OPCML: variants seen among roughly 807,000 people sequenced by gnomAD.
The protein encoded by OPCML is opioid-binding protein/cell adhesion molecule.
In OPCML, 13 loss-of-function variants were observed where a neutral mutation model predicts 37.8. That is an observed-to-expected ratio of 0.34 (90% CI 0.22 to 0.55). The LOEUF is 0.55. Among genes scored for constraint, OPCML ranks in the 20% least tolerant of loss-of-function variants. OPCML has a pLI of 0.91. For synonymous variants in OPCML, 176 were observed against 168.8 expected (o/e 1.04, Z -0.33); for missense variants, 341 against 435.6 (o/e 0.78, Z 1.93).
chr11:132,550,825 T>C (rs1323104949), intron 3 of OPCML, among the ~76,000 whole-genome samples: 1 of 152,236 alleles, frequency 6.6e-6, no homozygotes, highest in African/African-American at 2.4e-5. Context: ...GGGTGGATTA[T>C]GCCATAATAT....
intron 1 of OPCML, among the ~76,000 whole-genome samples, chr11:133,453,998 G>T (rs887873034): frequency 3.9e-5 from 6 of 152,142 alleles, no homozygotes; most frequent in African/African-American, 1.4e-4. Context: ...TTTCACACAA[G>T]AACCTAATCT....
intron 1 of OPCML, among the ~76,000 whole-genome samples, chr11:133,058,613 C>T (rs1350302918): frequency 1.3e-5 from 2 of 152,168 alleles, no homozygotes; most frequent in African/African-American, 2.4e-5. Flanking sequence ...ATCAGGGCAG[C>T]TCTGGAGGGA....
chr11:132,453,980 A>C (rs1383578276), intron 4 of OPCML, among the ~76,000 whole-genome samples: 2 of 152,200 alleles, frequency 1.3e-5, no homozygotes, highest in Admixed American at 1.3e-4. Context: ...AGGAAATTGC[A>C]GTCATGTGGC....
intron 1 of OPCML, among the ~76,000 whole-genome samples, chr11:133,351,400 G>A (rs1278254120): frequency 6.6e-6 from 1 of 152,084 alleles, no homozygotes; most frequent in African/African-American, 2.4e-5. Context: ...TCTTCCCACT[G>A]TATTTCTCTC....
intron 1 of OPCML, among the ~76,000 whole-genome samples, chr11:133,139,576 G>T (rs1228416233): frequency 6.6e-6 from 1 of 152,172 alleles, no homozygotes; most frequent in East Asian, 1.9e-4. Context: ...TTTTTATTGG[G>T]GTTCTGACAC....
At chr11:132,614,178 T>A (rs1938842179) in intron 3 of OPCML, among the ~76,000 whole-genome samples, 1 of 152,140 alleles carries the variant, frequency 6.6e-6, no homozygotes, top group Admixed American at 6.5e-5. Flanking sequence ...AATCCGCTGC[T>A]TGTGCTGCCC....
At chr11:132,944,230 G>A (rs1945689806) in intron 1 of OPCML, among the ~76,000 whole-genome samples, 1 of 152,122 alleles carries the variant, frequency 6.6e-6, no homozygotes, top group African/African-American at 2.4e-5. Flanking sequence ...GGCGGGAGAG[G>A]GAGTTCTGGG....
chr11:132,905,349 A>G (rs938665767), intron 2 of OPCML, among the ~76,000 whole-genome samples: 2 of 148,022 alleles, frequency 1.4e-5, no homozygotes, highest in Non-Finnish European at 3.0e-5. Flanking sequence ...CTCATGCCTC[A>G]GCCTCCAGAG....
At chr11:132,926,883 A>T (rs1314416627) in intron 2 of OPCML, among the ~76,000 whole-genome samples, 1 of 152,132 alleles carries the variant, frequency 6.6e-6, no homozygotes, top group Non-Finnish European at 1.5e-5. Context: ...AAGGGATGAA[A>T]TAATAGAAAA....
intron 2 of OPCML, among the ~76,000 whole-genome samples, chr11:132,852,908 A>G (rs1267033868): frequency 1.3e-5 from 2 of 152,072 alleles, no homozygotes; most frequent in African/African-American, 4.8e-5. Flanking sequence ...GGTTGTTAAA[A>G]AAAAAAAAAA....
At position 133,126,126 on chromosome 11, in the gene OPCML, G is replaced by A. The variant is rs556260060; in HGVS notation, c.62-183116C>T. Among the ~76,000 whole-genome samples the A allele has an allele frequency of 1.3e-4, 20 of 150,768 alleles. 1 individual carries two copies. Among genetic ancestry groups the A allele is most frequent in the South Asian group, 4.2e-4 (2 of 4,746 alleles). On this transcript the variant is annotated intron_variant, in intron 1 of 7. Transcript: ENST00000524381. ...GAGAGAGAGAGAGATTATAGAAATC[G>A]GCTCACATAGAGGTTGAAAAGTGCC...
At chr11:133,516,914 T>A (rs1948290547) in intron 1 of OPCML, among the ~76,000 whole-genome samples, 1 of 152,250 alleles carries the variant, frequency 6.6e-6, no homozygotes, top group Non-Finnish European at 1.5e-5. Flanking sequence ...AAAGGTAGCA[T>A]TGTTGAAGAA....
At chr11:132,502,211 G>C (rs2096247084) in intron 4 of OPCML, among the ~76,000 whole-genome samples, 2 of 152,186 alleles carry the variant, frequency 1.3e-5, no homozygotes, top group African/African-American at 4.8e-5. Context: ...GCTTCTTAAA[G>C]ACACAGCATC....
intron 4 of OPCML, among the ~76,000 whole-genome samples, chr11:132,464,643 G>A (rs148848559): frequency 1.1e-4 from 16 of 151,900 alleles, no homozygotes; most frequent in Non-Finnish European, 2.2e-4. Flanking sequence ...TTTTATCTGG[G>A]AAAATGGGCA....
chr11:133,032,980 T>G lies in OPCML; in HGVS notation c.62-89970A>C, dbSNP rs1947702000. On this transcript the variant is annotated intron_variant, in intron 1 of 7. Coordinates refer to ENST00000524381, the MANE Select transcript of OPCML (RefSeq NM_001012393.5). Reference sequence around the variant, plus strand: ...ATAAATATATATAATTACTCTACATTAATATAATTAGTCTGTCTTTCTCCC... The same window carrying G: ...ATAAATATATATAATTACTCTACATGAATATAATTAGTCTGTCTTTCTCCC... Among the ~76,000 whole-genome samples, 4 of 152,142 alleles carry G rather than the reference T, an allele frequency of 2.6e-5. No individual in the cohort carries two copies. The South Asian group carries it at 8.3e-4, about 32-fold the overall frequency.
intron 1 of OPCML, among the ~76,000 whole-genome samples, chr11:133,042,065 T>G (rs1270272868): frequency 6.6e-6 from 1 of 152,098 alleles, no homozygotes; most frequent in Non-Finnish European, 1.5e-5. Flanking sequence ...GCCTGCTTAT[T>G]CCCTCTCTGG....
intron 2 of OPCML, among the ~76,000 whole-genome samples, chr11:132,665,175 C>T (rs1251897291): frequency 6.6e-6 from 1 of 152,150 alleles, no homozygotes; most frequent in African/African-American, 2.4e-5. Context: ...GGGCCTGCAA[C>T]ATGAGGACAT....
At chr11:133,071,347 G>T (rs1591973722) in intron 1 of OPCML, among the ~76,000 whole-genome samples, 1 of 152,168 alleles carries the variant, frequency 6.6e-6, no homozygotes, top group Admixed American at 6.5e-5. Context: ...TGTGGTGGGG[G>T]TGATTGTGTA....
intron 3 of OPCML, among the ~76,000 whole-genome samples, chr11:132,532,578 C>T (rs1323158690): frequency 1.3e-5 from 2 of 152,080 alleles, no homozygotes; most frequent in Non-Finnish European, 2.9e-5. Context: ...AATGAGAGCT[C>T]ATCTCACTGC....
Sources: gnomAD v4.1 joint callset for allele counts (sites outside exome capture counted in the v4.1 genomes callset) on GRCh38, gnomAD v4.1.1 for gene constraint, MANE v1.5 for transcripts, NCBI Gene and HGNC (gene_info 2026-07-23, HGNC 2026-07-21) for gene names.